CSMD1: variants seen among roughly 807,000 people sequenced by gnomAD.
CSMD1 encodes CUB and sushi domain-containing protein 1.
In CSMD1, 213 loss-of-function variants were observed where a neutral mutation model predicts 417.5. The ratio of observed to expected loss-of-function variants is 0.51; its 90% confidence interval spans 0.46 to 0.57. The LOEUF is 0.57. Ranked by LOEUF, CSMD1 falls within the 20% of genes least tolerant of loss-of-function variation. CSMD1 has a pLI of 0.00. For missense variants in CSMD1, 6,923 were observed against 4,529.7 expected, an observed-to-expected ratio of 1.53 and a Z score of -15.17; for synonymous variants, 2,862 against 1,736.8, an observed-to-expected ratio of 1.65 and a Z score of -16.11.
At chr8:4,065,423 G>A (rs980407792) in intron 3 of CSMD1, among the ~76,000 whole-genome samples, 4 of 152,152 alleles carry the variant, frequency 2.6e-5, no homozygotes, top group African/African-American at 9.7e-5. Context: ...AACTTCTAGA[G>A]AATAATTGAA....
At chr8:3,475,132 G>C (rs1347947388) in intron 11 of CSMD1, among the ~76,000 whole-genome samples, 1 of 152,074 alleles carries the variant, frequency 6.6e-6, no homozygotes. Context: ...TAAGCTAAGA[G>C]TCTTTGAAGA....
chr8:4,691,007 A>G (rs1584950257), intron 1 of CSMD1, among the ~76,000 whole-genome samples: 2 of 152,208 alleles, frequency 1.3e-5, no homozygotes, highest in African/African-American at 2.4e-5. Flanking sequence ...GATTACAGGC[A>G]TGAGCCACCG....
intron 3 of CSMD1, among the ~76,000 whole-genome samples, chr8:4,194,510 G>A (rs760186013): frequency 1.7e-4 from 26 of 152,052 alleles, no homozygotes; most frequent in Non-Finnish European, 3.5e-4. Context: ...TGTAAATAAT[G>A]CCAGGAAGCA....
chr8:3,437,450 C>G (rs1563388320), intron 12 of CSMD1, among the ~76,000 whole-genome samples: 1 of 152,126 alleles, frequency 6.6e-6, no homozygotes, highest in Non-Finnish European at 1.5e-5. Flanking sequence ...AATTTGTAAA[C>G]AGAATTCACA....
At chr8:4,483,250 C>G (rs774199539) in intron 2 of CSMD1, among the ~76,000 whole-genome samples, 1 of 152,198 alleles carries the variant, frequency 6.6e-6, no homozygotes, top group Admixed American at 6.5e-5. Flanking sequence ...GACTGTGAGG[C>G]CTCCCCAGCC....
chr8:4,440,078 T>G (rs1221776346), intron 2 of CSMD1, among the ~76,000 whole-genome samples: 1 of 152,202 alleles, frequency 6.6e-6, no homozygotes, highest in African/African-American at 2.4e-5. Flanking sequence ...AACACTGTTT[T>G]TAACTGTGTT....
chr8:4,043,639 T>C (rs867422481), intron 3 of CSMD1, among the ~76,000 whole-genome samples: 18 of 152,238 alleles, frequency 1.2e-4, no homozygotes, highest in Admixed American at 1.3e-4. Context: ...ATGCATTTTT[T>C]AATTCTAGGA....
chr8:3,670,701 T>A (rs868147308), intron 7 of CSMD1, among the ~76,000 whole-genome samples: 4 of 102,192 alleles, frequency 3.9e-5, no homozygotes, highest in Non-Finnish European at 6.0e-5. Context: ...TATATGTATA[T>A]GGGATATATA....
intron 7 of CSMD1, among the ~76,000 whole-genome samples, chr8:3,706,271 G>A (rs1012492591): frequency 1.4e-4 from 22 of 152,184 alleles, no homozygotes; most frequent in African/African-American, 3.9e-4. Context: ...TAATAATTGT[G>A]TAAGCGATGA....
At chr8:4,022,038 A>G (rs945333126) in intron 4 of CSMD1, among the ~76,000 whole-genome samples, 6 of 151,276 alleles carry the variant, frequency 4.0e-5, no homozygotes, top group Non-Finnish European at 8.8e-5. Context: ...AGGTGCCTAT[A>G]TTTTTCATTC....
At chr8:4,365,337 G>C (rs1249085530) in intron 3 of CSMD1, among the ~76,000 whole-genome samples, 1 of 152,178 alleles carries the variant, frequency 6.6e-6, no homozygotes, top group Non-Finnish European at 1.5e-5. Flanking sequence ...TAATTGAAAT[G>C]CTAAGATTAT....
At chr8:3,579,150 TC>T (rs1367598528) in intron 9 of CSMD1, among the ~76,000 whole-genome samples, 1 of 152,044 alleles carries the variant, frequency 6.6e-6, no homozygotes, top group Non-Finnish European at 1.5e-5. Flanking sequence ...CTTTTCTGTC[TC>T]CCCAGTAAAA....
At position 3,092,116 on chromosome 8, in the gene CSMD1, G is replaced by A. The variant is rs895655959; in HGVS notation, c.7139-454C>T. On this transcript the variant is annotated intron_variant, in intron 47 of 69. Coordinates refer to ENST00000635120, the MANE Select transcript of CSMD1 (RefSeq NM_033225.6). ...TTTCTATGAACCCTAGCACATGTAC[G>A]CAAGTATTATTTATATAGTGAACAT... Among the ~76,000 whole-genome samples, 8 of 151,900 alleles carry A rather than the reference G, an allele frequency of 5.3e-5. No homozygotes were observed. The South Asian group carries it at 1.0e-3, about 20-fold the overall frequency.
At chr8:3,664,086 G>A (rs746480524) in intron 7 of CSMD1, among the ~76,000 whole-genome samples, 22 of 152,070 alleles carry the variant, frequency 1.4e-4, no homozygotes, top group Non-Finnish European at 4.4e-5. Context: ...CAATGTGCAC[G>A]TTTGTTACAT....
At chr8:2,997,544 T>C (rs867745518) in intron 54 of CSMD1, among the ~76,000 whole-genome samples, 1 of 152,042 alleles carries the variant, frequency 6.6e-6, no homozygotes, top group African/African-American at 2.4e-5. Flanking sequence ...AGCTCAAACA[T>C]CTAGAAATGC....
intron 7 of CSMD1, among the ~76,000 whole-genome samples, chr8:3,682,795 A>C (rs1261047465): frequency 6.6e-6 from 1 of 152,234 alleles, no homozygotes; most frequent in Non-Finnish European, 1.5e-5. Context: ...TCCAACCTAA[A>C]TGTCCAACAA....
At chr8:3,974,201 A>C (rs1207543794) in intron 5 of CSMD1, among the ~76,000 whole-genome samples, 2 of 152,164 alleles carry the variant, frequency 1.3e-5, no homozygotes, top group East Asian at 1.9e-4. Context: ...TGAAAGATCA[A>C]AGCCAGGAAA....
At chr8:4,111,191 T>C (rs944087548) in intron 3 of CSMD1, among the ~76,000 whole-genome samples, 1 of 152,170 alleles carries the variant, frequency 6.6e-6, no homozygotes, top group Non-Finnish European at 1.5e-5. Flanking sequence ...ATATTTTTGT[T>C]GATATTTGTG....
intron 30 of CSMD1, among the ~76,000 whole-genome samples, chr8:3,214,226 A>G (rs1230881094): frequency 6.6e-6 from 1 of 152,112 alleles, no homozygotes; most frequent in Non-Finnish European, 1.5e-5. Context: ...TAAAGAACAG[A>G]TCTAGAACAC....
Sources: allele counts gnomAD v4.1 joint callset (sites outside exome capture counted in the v4.1 genomes callset), GRCh38; gene constraint gnomAD v4.1.1; transcripts MANE v1.5; gene names NCBI Gene and HGNC (gene_info 2026-07-23, HGNC 2026-07-21).